Variants in FHOD3 observed in about 807,000 individuals in gnomAD.
The protein encoded by FHOD3 is formin homology 2 domain containing 3, also known as FH1/FH2 domain-containing protein 3.
In FHOD3, 90 loss-of-function variants were observed where a neutral mutation model predicts 173.0. The ratio of observed to expected loss-of-function variants is 0.52; its 90% CI spans 0.44 to 0.62. The LOEUF is 0.62. FHOD3 is among the 20% of genes least tolerant of loss of function. The probability of loss-of-function intolerance (pLI) is 0.00; values close to 1 mark genes in which losing one functional copy is unlikely to be tolerated. For synonymous variants in FHOD3, 828 were observed against 823.0 expected (o/e 1.01, Z -0.10); for missense variants, 1,945 against 2,034.7 (o/e 0.96, Z 0.85).
chr18:36,636,408 C>T (rs1337720119), intron 10 of FHOD3, among the ~76,000 whole-genome samples: 2 of 152,164 alleles, frequency 1.3e-5, no homozygotes, highest in Non-Finnish European at 2.9e-5. Flanking sequence ...CTGGTGGTAA[C>T]TCTTCATTGA....
chr18:36,642,489 G>T (rs2035388457), intron 10 of FHOD3, among the ~76,000 whole-genome samples: 1 of 150,972 alleles, frequency 6.6e-6, no homozygotes, highest in African/African-American at 2.4e-5. Flanking sequence ...CGTGGTGGCG[G>T]GTGCCTGTAG....
intron 3 of FHOD3, among the ~76,000 whole-genome samples, chr18:36,433,268 G>T (rs2050647600): frequency 6.6e-6 from 1 of 152,124 alleles, no homozygotes; most frequent in Non-Finnish European, 1.5e-5. Flanking sequence ...GGAGTCTTGG[G>T]GGGCATTTTA....
At chr18:36,380,042 T>C (rs968289178) in intron 3 of FHOD3, among the ~76,000 whole-genome samples, 2 of 152,116 alleles carry the variant, frequency 1.3e-5, no homozygotes, top group Non-Finnish European at 2.9e-5. Flanking sequence ...GTATTAGAAA[T>C]ACCTAATGGG....
At chr18:36,765,963 A>C (rs1184001439) in intron 27 of FHOD3, among the ~76,000 whole-genome samples, 1 of 152,164 alleles carries the variant, frequency 6.6e-6, no homozygotes, top group Admixed American at 6.6e-5. Context: ...AATATCAACC[A>C]ACATATTTAA....
At chr18:36,600,571 T>G (rs1469931153) in intron 7 of FHOD3, among the ~76,000 whole-genome samples, 9 of 152,334 alleles carry the variant, frequency 5.9e-5, no homozygotes, top group African/African-American at 2.2e-4. Flanking sequence ...CTTAAAATCC[T>G]TAGATGGTAA....
intron 10 of FHOD3, among the ~76,000 whole-genome samples, chr18:36,648,516 C>T (rs1836273776): frequency 6.6e-6 from 1 of 152,146 alleles, no homozygotes; most frequent in Admixed American, 6.5e-5. Context: ...TATTATTTTC[C>T]ATTAGTGAAA....
intron 3 of FHOD3, among the ~76,000 whole-genome samples, chr18:36,446,231 T>C (rs2144048377): frequency 1.3e-5 from 2 of 152,328 alleles, no homozygotes; most frequent in Middle Eastern, 3.4e-3. Flanking sequence ...TGCTGAGCAC[T>C]GGCAATCTGG....
chr18:36,514,377 T>C (rs2055843562), intron 5 of FHOD3, among the ~76,000 whole-genome samples: 2 of 152,218 alleles, frequency 1.3e-5, no homozygotes, highest in South Asian at 4.1e-4. Context: ...CGCAGCCGTC[T>C]GTGTGTCTAA....
intron 3 of FHOD3, among the ~76,000 whole-genome samples, chr18:36,381,091 A>G (rs1294562506): frequency 2.0e-5 from 3 of 152,228 alleles, no homozygotes; most frequent in African/African-American, 4.8e-5. Context: ...TACAGATACA[A>G]TTGCCGAGAC....
At chr18:36,742,169 G>T (rs542232791) in intron 21 of FHOD3, among the ~76,000 whole-genome samples, 3 of 152,110 alleles carry the variant, frequency 2.0e-5, no homozygotes, top group Non-Finnish European at 4.4e-5. Context: ...CAGTGAGGGT[G>T]GGGGAGATGG....
At position 36,485,943 on chromosome 18, in the gene FHOD3, A is replaced by T. The variant is rs536922868; in HGVS notation, c.338-15989A>T. On this transcript the variant is annotated intron_variant, in intron 3 of 28. Coordinates refer to ENST00000590592, the MANE Select transcript of FHOD3 (RefSeq NM_001281740.3). ...CTGCCTTTATTCACGTGAATTACTG[A>T]CTCATTTCCCCAGAGTTTACCCAAA... Among the ~76,000 whole-genome samples the T allele has an allele frequency of 3.3e-5, 5 of 151,934 alleles. No homozygotes were observed. In the South Asian group the frequency reaches 1.0e-3, roughly 32 times the overall value.
At chr18:36,425,216 C>G (rs1303319719) in intron 3 of FHOD3, among the ~76,000 whole-genome samples, 1 of 152,102 alleles carries the variant, frequency 6.6e-6, no homozygotes, top group Non-Finnish European at 1.5e-5. Flanking sequence ...TTGCTAATCT[C>G]TTATTGTGCC....
chr18:36,324,860 T>C (rs915366860), intron 1 of FHOD3, among the ~76,000 whole-genome samples: 8 of 152,184 alleles, frequency 5.3e-5, no homozygotes, highest in South Asian at 2.1e-4. Flanking sequence ...TGTATATATA[T>C]GTGCCCCAAA....
chr18:36,341,981 C>T (rs1416373491), intron 1 of FHOD3, among the ~76,000 whole-genome samples: 4 of 152,004 alleles, frequency 2.6e-5, no homozygotes, highest in Non-Finnish European at 4.4e-5. Context: ...GTGATAAATA[C>T]ATACTAGAAA....
chr18:36,465,411 G>A (rs1159842622), intron 3 of FHOD3, among the ~76,000 whole-genome samples: 4 of 152,180 alleles, frequency 2.6e-5, no homozygotes, highest in Admixed American at 6.5e-5. Flanking sequence ...CCATGGGTCC[G>A]AAATGACCTG....
chr18:36,744,616 C>A (rs887499960), intron 23 of FHOD3, among the ~76,000 whole-genome samples: 1 of 152,238 alleles, frequency 6.6e-6, no homozygotes, highest in African/African-American at 2.4e-5. Flanking sequence ...AAACAGGGCC[C>A]TCCCGGCTCC....
chr18:36,528,936 G>A (rs1203558392), intron 5 of FHOD3, among the ~76,000 whole-genome samples: 1 of 152,138 alleles, frequency 6.6e-6, no homozygotes, highest in Non-Finnish European at 1.5e-5. Flanking sequence ...CCTGGGGGTG[G>A]GTTGGCATTA....
At chr18:36,311,836 C>G (rs917817361) in intron 1 of FHOD3, among the ~76,000 whole-genome samples, 1 of 152,222 alleles carries the variant, frequency 6.6e-6, no homozygotes, top group Non-Finnish European at 1.5e-5. Flanking sequence ...GGAGGGGGGA[C>G]AGGTGCGCCC....
At chr18:36,524,325 A>G (rs944789412) in intron 5 of FHOD3, among the ~76,000 whole-genome samples, 1 of 151,632 alleles carries the variant, frequency 6.6e-6, no homozygotes, top group Non-Finnish European at 1.5e-5. Context: ...GCGGGTGACT[A>G]GCATTCATGT....
Sources: gnomAD v4.1 joint callset for allele counts (sites outside exome capture counted in the v4.1 genomes callset) on GRCh38, gnomAD v4.1.1 for gene constraint, MANE v1.5 for transcripts, NCBI Gene and HGNC (gene_info 2026-07-23, HGNC 2026-07-21) for gene names.